The following FOXN1 variants were observed in gnomAD, a reference collection of about 807,000 sequenced individuals.
FOXN1 encodes the protein forkhead box N1, also known as forkhead box protein N1.
A neutral mutation model predicts 49.0 loss-of-function variants in FOXN1; 15 were observed. That is an observed-to-expected ratio of 0.31 (90% CI 0.20 to 0.47). FOXN1 has a LOEUF of 0.47. Among genes scored for constraint, FOXN1 ranks in the 20% least tolerant of loss-of-function variants. The pLI, the probability that FOXN1 is intolerant of heterozygous loss-of-function variation, is 1.00. For missense variants in FOXN1, 800 were observed against 842.8 expected (o/e 0.95, Z 0.63); for synonymous variants, 356 against 369.0 (o/e 0.96, Z 0.40).
chr17:28,520,492 G>A (rs1567875461), intron 1 of FOXN1, among the ~76,000 whole-genome samples: 1 of 152,188 alleles, frequency 6.6e-6, no homozygotes, highest in Admixed American at 6.5e-5. Flanking sequence ...AATCCCAGAG[G>A]ACCAGTCAGG....
chr17:28,507,874 AG>A (rs2069297595), intron 1 of FOXN1, among the ~76,000 whole-genome samples: 4 of 152,244 alleles, frequency 2.6e-5, no homozygotes, highest in African/African-American at 9.6e-5. Flanking sequence ...TGGCTCTGTG[AG>A]GGGTCCAGGG....
intron 1 of FOXN1, among the ~76,000 whole-genome samples, chr17:28,520,532 G>A (rs1359739679): frequency 6.6e-6 from 1 of 152,162 alleles, no homozygotes; most frequent in East Asian, 1.9e-4. Context: ...CAAATTAAGG[G>A]GTGGGCCTCT....
Position 28,537,361 on chromosome 17 carries a change from G to A in FOXN1, c.1872G>A (p.Glu624=), listed in dbSNP as rs771897553. Residue 624 remains glutamate, a synonymous_variant, in exon 9 of 9, where the codon GAG becomes GAA. Transcript: ENST00000579795. ...TTLYSAFMEL[E]PTPPTAPAGP... is the part of the protein sequence containing the mutation. ...TCTACTCTGCCTTTATGGAGCTGGAGCCCACGCCCCCCACGGCCCCTGCAG... is the reference window on the plus strand; with the variant it reads ...TCTACTCTGCCTTTATGGAGCTGGAACCCACGCCCCCCACGGCCCCTGCAG... 6.2e-7 allele frequency: 1 copy of A among 1,612,958 alleles called. No homozygotes were observed. The highest frequency in any genetic ancestry group is 8.5e-7 in the Non-Finnish European group (1 of 1,179,440).
intron 3 of FOXN1, among the ~76,000 whole-genome samples, chr17:28,526,945 A>G (rs541953419): frequency 6.6e-6 from 1 of 152,220 alleles, no homozygotes; most frequent in South Asian, 2.1e-4. Flanking sequence ...CCTTTGTGCT[A>G]TTCCAGAAGA....
At chr17:28,516,628 C>G (rs1224067816) in intron 1 of FOXN1, among the ~76,000 whole-genome samples, 1 of 150,552 alleles carries the variant, frequency 6.6e-6, no homozygotes, top group Non-Finnish European at 1.5e-5. Context: ...ATCCATACCT[C>G]CACAGGGTAC....
At chr17:28,518,417 G>A (rs1335526156) in intron 1 of FOXN1, among the ~76,000 whole-genome samples, 1 of 152,254 alleles carries the variant, frequency 6.6e-6, no homozygotes, top group South Asian at 2.1e-4. Flanking sequence ...GTCCTAAGGA[G>A]CCAAGAGAAG....
At position 28,537,430 on chromosome 17, in the gene FOXN1, G is replaced by A; in HGVS notation, c.1941G>A (p.Leu647=). 6.2e-7 allele frequency: 1 copy of A among 1,612,264 alleles called. No homozygotes were observed. The highest frequency in any genetic ancestry group is 8.5e-7 in the Non-Finnish European group (1 of 1,178,994). ...YLSPSSKPVA[L]A ...GCCCCAGCTCCAAGCCCGTGGCCCTGGCATGAGCTGTGCCCAGCTTCGTCA... is the reference window on the plus strand; with the variant it reads ...GCCCCAGCTCCAAGCCCGTGGCCCTAGCATGAGCTGTGCCCAGCTTCGTCA... Residue 647 remains leucine, a synonymous_variant, in exon 9 of 9, where the codon CTG becomes CTA. Transcript: ENST00000579795.
At chr17:28,519,671 C>T (rs1353279454) in intron 1 of FOXN1, among the ~76,000 whole-genome samples, 1 of 152,142 alleles carries the variant, frequency 6.6e-6, no homozygotes, top group African/African-American at 2.4e-5. Flanking sequence ...AGATGTCAGC[C>T]CCAGGACACT....
At chr17:28,533,130 C>A (rs1202357277) in intron 6 of FOXN1, among the ~76,000 whole-genome samples, 1 of 152,214 alleles carries the variant, frequency 6.6e-6, no homozygotes, top group Non-Finnish European at 1.5e-5. Flanking sequence ...TTCTGCTGGG[C>A]ATGATTCAGC....
chr17:28,536,956 A>G (rs1196037365), intron 8 of FOXN1, among the ~76,000 whole-genome samples, 161 bp from the exon 9 acceptor site: 3 of 152,084 alleles, frequency 2.0e-5, no homozygotes, highest in Non-Finnish European at 4.4e-5. Flanking sequence ...TGAGAGGTTC[A>G]GCAACTGCCT....
chr17:28,536,364 A>G (rs2070064544), intron 8 of FOXN1, among the ~76,000 whole-genome samples: 1 of 152,186 alleles, frequency 6.6e-6, no homozygotes, highest in Admixed American at 6.5e-5. Flanking sequence ...GCTGCTCTCT[A>G]TGTGCTTTCT....
intron 1 of FOXN1, 135 bp from the exon 2 acceptor site, chr17:28,523,821 T>TCTCG: frequency 1.8e-6 from 1 of 569,242 alleles, no homozygotes; most frequent in East Asian, 3.2e-5. Flanking sequence ...TCTCTCTCTC[T>TCTCG]CTCTCTCTCT....
intron 1 of FOXN1, among the ~76,000 whole-genome samples, chr17:28,514,736 G>A (rs2069461095): frequency 1.3e-5 from 2 of 152,160 alleles, no homozygotes; most frequent in Non-Finnish European, 2.9e-5. Flanking sequence ...CTCATAAAGA[G>A]TGGGTAGGAG....
chr17:28,529,366 A>G (rs563279054), intron 5 of FOXN1, 142 bp downstream of exon 5: 1 of 1,046,402 alleles, frequency 9.6e-7, no homozygotes, highest in East Asian at 2.5e-5. Context: ...GATGCTGGAG[A>G]GAGGGTTCCT....
chr17:28,509,471 G>A (rs1366165290), intron 1 of FOXN1, among the ~76,000 whole-genome samples: 1 of 152,126 alleles, frequency 6.6e-6, no homozygotes, highest in African/African-American at 2.4e-5. Context: ...TATGTCACAG[G>A]TTCCCTTGGA....
At chr17:28,535,491 T>A (rs2070040612) in intron 8 of FOXN1, among the ~76,000 whole-genome samples, 1 of 152,204 alleles carries the variant, frequency 6.6e-6, no homozygotes, top group East Asian at 1.9e-4. Context: ...GGCTCACGCC[T>A]GTAATCCCAG....
At chr17:28,518,461 G>A (rs910819210) in intron 1 of FOXN1, among the ~76,000 whole-genome samples, 1 of 152,226 alleles carries the variant, frequency 6.6e-6, no homozygotes, top group Non-Finnish European at 1.5e-5. Flanking sequence ...TTGATGGGTA[G>A]AGCGGGCGCA....
At chr17:28,522,763 G>A (rs970070494) in intron 1 of FOXN1, among the ~76,000 whole-genome samples, 10 of 152,130 alleles carry the variant, frequency 6.6e-5, no homozygotes, top group South Asian at 2.1e-4. Context: ...GCTTGAACCC[G>A]GGAGGCAGAG....
chr17:28,537,007 T>C, intron 8 of FOXN1, 110 bp from the exon 9 acceptor site: 1 of 873,296 alleles, frequency 1.1e-6, no homozygotes, highest in Non-Finnish European at 2.0e-6. Context: ...CCAGCACATG[T>C]CACCCTGACC....
Sources: allele counts gnomAD v4.1 joint callset (sites outside exome capture counted in the v4.1 genomes callset), GRCh38; gene constraint gnomAD v4.1.1; transcripts MANE v1.5; gene names NCBI Gene and HGNC (gene_info 2026-07-23, HGNC 2026-07-21).